The following MAF variants were observed in gnomAD, a reference collection of about 807,000 sequenced individuals.
The protein encoded by MAF is transcription factor Maf.
Under a neutral mutation model 22.0 loss-of-function variants are expected in MAF, and 10 were observed. That is an observed-to-expected ratio of 0.45 (90% CI 0.28 to 0.77). MAF has a LOEUF of 0.77. Among genes scored for constraint, MAF ranks in the 30% least tolerant of loss-of-function variants. MAF has a pLI of 0.12. For missense variants in MAF, 544 were observed against 548.4 expected (o/e 0.99, Z 0.08); for synonymous variants, 337 against 255.8 (o/e 1.32, Z -3.03).
the MAF span, among the ~76,000 whole-genome samples, chr16:79,388,517 T>A: frequency 6.6e-6 from 1 of 152,246 alleles, no homozygotes; most frequent in Non-Finnish European, 1.5e-5. Context: ...TTCTTGGCTA[T>A]GTATTAACTG....
At chr16:79,390,139 C>G in the MAF span, among the ~76,000 whole-genome samples, 38 of 152,044 alleles carry the variant, frequency 2.5e-4, 1 homozygote, top group South Asian at 7.9e-3. Flanking sequence ...ATTCCCAAGT[C>G]TGGGGGTAAC....
At chr16:79,583,657 G>T (rs977608836), downstream of MAF, among the ~76,000 whole-genome samples, 2 of 152,196 alleles carry the variant, frequency 1.3e-5, no homozygotes, top group Admixed American at 6.5e-5. Flanking sequence ...TGTTTTGAAC[G>T]CCAACTCTCC....
At chr16:79,576,882 G>C in the MAF span, among the ~76,000 whole-genome samples, 1 of 152,096 alleles carries the variant, frequency 6.6e-6, no homozygotes, top group Non-Finnish European at 1.5e-5. Flanking sequence ...CAGAAACTTT[G>C]TATCCTTTTT....
At chr16:79,579,651 T>C in the MAF span, among the ~76,000 whole-genome samples, 2 of 152,142 alleles carry the variant, frequency 1.3e-5, no homozygotes, top group East Asian at 1.9e-4. Flanking sequence ...TTCAAAGAAA[T>C]AGTAAAAAGA....
chr16:79,406,876 C>T, the MAF span, among the ~76,000 whole-genome samples: 5 of 152,114 alleles, frequency 3.3e-5, no homozygotes, highest in African/African-American at 9.7e-5. Flanking sequence ...GACAGTGGAC[C>T]TGATGAGACT....
the MAF span, among the ~76,000 whole-genome samples, chr16:79,236,438 C>A: frequency 6.6e-6 from 1 of 152,036 alleles, no homozygotes; most frequent in South Asian, 2.1e-4. Context: ...AGCATTCCCA[C>A]CTTTGGATCC....
chr16:79,458,507 G>C, the MAF span, among the ~76,000 whole-genome samples: 1 of 152,128 alleles, frequency 6.6e-6, no homozygotes, highest in African/African-American at 2.4e-5. Flanking sequence ...TGAAAAACAA[G>C]TTTGCCAAAC....
chr16:79,256,823 G>C, the MAF span, among the ~76,000 whole-genome samples: 1 of 152,160 alleles, frequency 6.6e-6, no homozygotes, highest in Non-Finnish European at 1.5e-5. Flanking sequence ...GCTCACGTGA[G>C]TCTAGGCATG....
chr16:79,274,104 G>A, the MAF span, among the ~76,000 whole-genome samples: 17 of 152,020 alleles, frequency 1.1e-4, no homozygotes, highest in Admixed American at 8.5e-4. Context: ...ACAGGTATGC[G>A]CCACCATGAC....
At chr16:79,472,630 G>A in the MAF span, among the ~76,000 whole-genome samples, 3 of 152,102 alleles carry the variant, frequency 2.0e-5, no homozygotes, top group African/African-American at 7.2e-5. Flanking sequence ...AGAAGAAATG[G>A]GGAGTGACTG....
chr16:79,300,632 CT>C, the MAF span, among the ~76,000 whole-genome samples: 1 of 149,578 alleles, frequency 6.7e-6, no homozygotes, highest in South Asian at 2.1e-4. Context: ...TTGCAAGTTC[CT>C]AAAGATTATG....
the MAF span, among the ~76,000 whole-genome samples, chr16:79,401,247 A>G: frequency 6.6e-6 from 1 of 152,072 alleles, no homozygotes; most frequent in Non-Finnish European, 1.5e-5. Flanking sequence ...TCACTCCCCA[A>G]ACTACCTGTG....
the MAF span, among the ~76,000 whole-genome samples, chr16:79,417,987 T>C: frequency 6.6e-6 from 1 of 152,262 alleles, no homozygotes; most frequent in Non-Finnish European, 1.5e-5. Context: ...AGTGTTTTCC[T>C]CCTGCGCGGG....
chr16:79,503,350 G>C, the MAF span, among the ~76,000 whole-genome samples: 1 of 152,062 alleles, frequency 6.6e-6, no homozygotes, highest in African/African-American at 2.4e-5. Flanking sequence ...ATTTAGATAA[G>C]TTAAAATTTT....
chr16:79,476,804 C>T, the MAF span, among the ~76,000 whole-genome samples: 4 of 152,186 alleles, frequency 2.6e-5, no homozygotes, highest in African/African-American at 9.7e-5. Flanking sequence ...CCTGGGTAAC[C>T]TTAGGCAATG....
the MAF span, among the ~76,000 whole-genome samples, chr16:79,384,987 G>A: frequency 6.6e-6 from 1 of 152,178 alleles, no homozygotes; most frequent in Non-Finnish European, 1.5e-5. Context: ...TCTGGCTGTG[G>A]ATTGCTGGGA....
the MAF span, among the ~76,000 whole-genome samples, chr16:79,365,198 T>C: frequency 6.6e-6 from 1 of 152,186 alleles, no homozygotes; most frequent in African/African-American, 2.4e-5. Context: ...ACCCTGAAGA[T>C]CTCAATCTAA....
At chr16:79,475,632 G>C in the MAF span, among the ~76,000 whole-genome samples, 1 of 152,082 alleles carries the variant, frequency 6.6e-6, no homozygotes, top group Non-Finnish European at 1.5e-5. Flanking sequence ...TATTCATAAG[G>C]GTGTGGGTTA....
At chr16:79,297,809 G>C in the MAF span, among the ~76,000 whole-genome samples, 1 of 152,184 alleles carries the variant, frequency 6.6e-6, no homozygotes, top group African/African-American at 2.4e-5. Flanking sequence ...GAGAACATGG[G>C]TTCCCCAACC....
Sources: gnomAD v4.1 joint callset for allele counts (sites outside exome capture counted in the v4.1 genomes callset) on GRCh38, gnomAD v4.1.1 for gene constraint, MANE v1.5 for transcripts, NCBI Gene and HGNC (gene_info 2026-07-23, HGNC 2026-07-21) for gene names.